The following CKAP5 variants were observed in gnomAD, a reference collection of about 807,000 sequenced individuals.
CKAP5 encodes the protein cytoskeleton associated protein 5, also known as cytoskeleton-associated protein 5.
In CKAP5, 27 loss-of-function variants were observed where a neutral mutation model predicts 232.8. That is an observed-to-expected ratio of 0.12 (90% CI 0.09 to 0.16). The LOEUF (loss-of-function observed/expected upper bound fraction) is 0.16. Among genes scored for constraint, CKAP5 ranks in the 10% least tolerant of loss-of-function variants. The pLI is 1.00. For missense variants in CKAP5, 1,838 were observed against 2,424.7 expected, an observed-to-expected ratio of 0.76 and a Z score of 5.08; for synonymous variants, 785 against 841.1, an observed-to-expected ratio of 0.93 and a Z score of 1.16.
At chr11:46,828,574 G>A (rs1302206728) in intron 1 of CKAP5, among the ~76,000 whole-genome samples, 1 of 152,120 alleles carries the variant, frequency 6.6e-6, no homozygotes, top group African/African-American at 2.4e-5. Context: ...ATCACAAGAG[G>A]TATGACCAAC....
intron 16 of CKAP5, among the ~76,000 whole-genome samples, chr11:46,787,195 T>C (rs1232191639): frequency 6.6e-6 from 1 of 152,120 alleles, no homozygotes; most frequent in Non-Finnish European, 1.5e-5. Flanking sequence ...AGAGGGCACC[T>C]CAAGAATCTT....
chr11:46,771,973 T>C (rs993346373), intron 24 of CKAP5, among the ~76,000 whole-genome samples: 5 of 152,204 alleles, frequency 3.3e-5, no homozygotes, highest in South Asian at 2.1e-4. Context: ...GATGATTGTA[T>C]AGTGATATTT....
At position 46,784,468 on chromosome 11, in the gene CKAP5, A is replaced by G; in HGVS notation, c.2154+20T>C. The G allele has an allele frequency of 6.3e-7, 1 of 1,582,398 alleles. No individual in the cohort carries two copies. The highest frequency in any genetic ancestry group is 8.6e-7 in the Non-Finnish European group (1 of 1,162,422). Reference sequence around the variant, plus strand: ...AAAAAATTGGGAAAACTAGAGGAATAAGACTTCTGTGTCACTAACCTGTTC... The same window carrying G: ...AAAAAATTGGGAAAACTAGAGGAATGAGACTTCTGTGTCACTAACCTGTTC... On this transcript the variant is annotated intron_variant, in intron 17 of 43. Transcript: ENST00000529230.
chr11:46,787,569 A>G (rs1322010001), intron 16 of CKAP5, among the ~76,000 whole-genome samples: 1 of 152,128 alleles, frequency 6.6e-6, no homozygotes, highest in African/African-American at 2.4e-5. Context: ...ATTATGTGGT[A>G]AATTTTCACT....
At chr11:46,820,943 C>A in intron 2 of CKAP5, 1 of 475,612 alleles carries the variant, frequency 2.1e-6, no homozygotes, top group Admixed American at 3.8e-5. Flanking sequence ...TTCATAGATA[C>A]CACTTACTTT....
In CKAP5 at chr11:46,770,856, C is replaced by T; in HGVS notation, c.3118G>A (p.Asp1040Asn). The stretch of plus-strand genomic sequence containing the variant: ...TGCATCATGAAGAATGGCAAGGCAT[C>T]TTGGGCCTTCTTTCGCACATCTCCA... ...RNGDVRKKAQ[D>N]ALPFFMMHLG... Residue 1040 changes from aspartate (D) to asparagine (N), a missense_variant, in exon 25 of 44, where the codon GAT becomes AAT. Transcript: ENST00000529230. The T allele has an allele frequency of 6.2e-7, 1 of 1,614,142 alleles. No homozygotes were observed. The highest frequency in any genetic ancestry group is 8.5e-7 in the Non-Finnish European group (1 of 1,180,018).
chr11:46,817,543 T>C (rs1939431269), intron 3 of CKAP5, among the ~76,000 whole-genome samples: 2 of 152,280 alleles, frequency 1.3e-5, no homozygotes, highest in East Asian at 3.9e-4. Context: ...AAGTGATAGT[T>C]TTACTAACGG....
intron 8 of CKAP5, among the ~76,000 whole-genome samples, chr11:46,802,762 T>C (rs1939064520): frequency 6.6e-6 from 1 of 152,192 alleles, no homozygotes; most frequent in South Asian, 2.1e-4. Flanking sequence ...CTAGATTCTC[T>C]GCATTAAACA....
rs747708615 is a variant in CKAP5 at position 46,759,056 on chromosome 11, A to C, written c.4569-13T>G. The C allele has an allele frequency of 6.2e-7, 1 of 1,612,078 alleles. No homozygotes were observed. The highest frequency in any genetic ancestry group is 1.7e-5 in the Admixed American group (1 of 59,592). On this transcript the variant is annotated splice_polypyrimidine_tract_variant and intron_variant, in intron 34 of 43. Transcript: ENST00000529230. ...AACAGCCCGGATCCTAGATAGCAGAACAAAGAGAAAACTTCAACCTCTATT... is the reference window on the plus strand; with the variant it reads ...AACAGCCCGGATCCTAGATAGCAGACCAAAGAGAAAACTTCAACCTCTATT...
Position 46,797,861 on chromosome 11 carries a change from T to G in CKAP5, c.1282A>C (p.Thr428Pro). Reference sequence around the variant, plus strand: ...AAGCTCTTTGGCAGGGTAGAAGCAGTGCAGTGGCGGAAACTTCTTGCAATA... The same window carrying G: ...AAGCTCTTTGGCAGGGTAGAAGCAGGGCAGTGGCGGAAACTTCTTGCAATA... Reference protein sequence around the residue: ...LFIARSFRHCTASTLPKSLLK... With the variant: ...LFIARSFRHCPASTLPKSLLK... Residue 428 changes from threonine to proline, a missense_variant, in exon 11 of 44, where the codon ACT becomes CCT. Physicochemically the swap from Thr to Pro is conservative, Grantham distance 38. Transcript: ENST00000529230. The G allele has an allele frequency of 2.5e-6, 4 of 1,614,146 alleles. No individual in the cohort carries two copies. The highest frequency in any genetic ancestry group is 3.4e-6 in the Non-Finnish European group (4 of 1,180,012).
intron 15 of CKAP5, 119 bp from the exon 16 acceptor site, chr11:46,788,892 A>G (rs1311161370): frequency 5.1e-5 from 35 of 680,408 alleles, no homozygotes; most frequent in Non-Finnish European, 8.2e-5. Context: ...AGAACTGAGG[A>G]GGGTTATTGA....
chr11:46,766,355 A>G (rs186284212), intron 27 of CKAP5, among the ~76,000 whole-genome samples: 1 of 152,244 alleles, frequency 6.6e-6, no homozygotes, highest in African/African-American at 2.4e-5. Flanking sequence ...TAAAATAAGC[A>G]CTTGTTAAAT....
At chr11:46,755,342 T>C (rs2065102474) in intron 35 of CKAP5, among the ~76,000 whole-genome samples, 1 of 152,042 alleles carries the variant, frequency 6.6e-6, no homozygotes, top group African/African-American at 2.4e-5. Context: ...GCCTCCTAAG[T>C]AGCTAGGATT....
chr11:46,795,926 G>A (rs888790225), intron 12 of CKAP5, 150 bp from the exon 13 acceptor site: 8 of 617,802 alleles, frequency 1.3e-5, no homozygotes, highest in Non-Finnish European at 2.2e-5. Flanking sequence ...CACTTTGGAA[G>A]GCCGAGATGG....
At chr11:46,846,110 G>A (rs1940185146) in intron 1 of CKAP5, 110 bp downstream of exon 1, 1 of 151,818 alleles carries the variant, frequency 6.6e-6, no homozygotes, top group African/African-American at 2.4e-5. Context: ...TGGGGCAAGT[G>A]GGGCGCGCGT....
At chr11:46,807,265 T>A (rs2134667334) in intron 8 of CKAP5, among the ~76,000 whole-genome samples, 1 of 152,352 alleles carries the variant, frequency 6.6e-6, no homozygotes, top group Middle Eastern at 3.4e-3. Context: ...AATGATTCAA[T>A]ATTCACTAAT....
At chr11:46,757,887 A>AT (rs947880979) in intron 35 of CKAP5, among the ~76,000 whole-genome samples, 19,340 of 108,156 alleles carry the variant, frequency 0.18, 2,285 homozygotes, top group East Asian at 0.62. Context: ...CACCTGGCCT[A>AT]TTTTTTTTTT....
intron 4 of CKAP5, among the ~76,000 whole-genome samples, chr11:46,812,434 T>C (rs1208791507): frequency 6.6e-6 from 1 of 152,190 alleles, no homozygotes; most frequent in Non-Finnish European, 1.5e-5. Flanking sequence ...CTATCTAATA[T>C]CACTATTAAC....
intron 8 of CKAP5, among the ~76,000 whole-genome samples, chr11:46,805,747 C>T (rs1939139375): frequency 6.6e-6 from 1 of 152,154 alleles, no homozygotes; most frequent in Non-Finnish European, 1.5e-5. Flanking sequence ...ACTAGCCTGG[C>T]CAACATGGTG....
Sources: gnomAD v4.1 joint callset for allele counts (sites outside exome capture counted in the v4.1 genomes callset) on GRCh38, gnomAD v4.1.1 for gene constraint, MANE v1.5 for transcripts, NCBI Gene and HGNC (gene_info 2026-07-23, HGNC 2026-07-21) for gene names.